WWOX: variants seen among roughly 807,000 people sequenced by gnomAD.
WWOX encodes the protein WW domain-containing oxidoreductase.
In WWOX, 69 loss-of-function variants were observed where a neutral mutation model predicts 46.2. That is an observed-to-expected ratio of 1.49 (90% CI 1.23 to 1.82). The LOEUF is 1.82. Among genes scored for constraint, WWOX ranks in the 40% most tolerant of loss-of-function variants. WWOX has a pLI of 0.00. For synonymous variants in WWOX, 359 were observed against 202.6 expected (o/e 1.77, Z -6.56); for missense variants, 919 against 542.6 (o/e 1.69, Z -6.89).
intron 8 of WWOX, among the ~76,000 whole-genome samples, chr16:78,630,590 C>G (rs919799860): frequency 6.6e-6 from 1 of 152,116 alleles, no homozygotes; most frequent in Non-Finnish European, 1.5e-5. Flanking sequence ...CTGTGTGACC[C>G]CACTGGAAGA....
intron 4 of WWOX, among the ~76,000 whole-genome samples, chr16:78,135,323 ATTTC>A (rs1279949335): frequency 1.3e-5 from 2 of 152,156 alleles, no homozygotes; most frequent in Non-Finnish European, 2.9e-5. Flanking sequence ...GTGAGGGACT[ATTTC>A]TTTCTGAGAA....
rs1425722937 is a variant in WWOX, at chr16:79,026,648, C to T, written c.1057-184960C>T. Among the ~76,000 whole-genome samples the T allele has an allele frequency of 3.3e-4, 43 of 129,752 alleles. 1 individual carries two copies. Among genetic ancestry groups the T allele is most frequent in the African/African-American group, 1.3e-3 (43 of 32,428 alleles). The allele number at this position is 129,752 out of a possible 152,430, so 85.1% of individuals were successfully genotyped here. A position where few individuals can be genotyped will look rare whatever the true frequency, so the allele number is the denominator to read the frequency against. On this transcript the variant is annotated intron_variant, in intron 8 of 8. Coordinates refer to ENST00000566780, the MANE Select transcript of WWOX (RefSeq NM_016373.4). ...TTTTTTTTTTTTTGAGATGGAGTCT[C>T]CCTCTGTCGCCTAGGCTGCAGTGCA...
chr16:78,520,571 G>A (rs1402748606), intron 8 of WWOX, among the ~76,000 whole-genome samples: 2 of 151,708 alleles, frequency 1.3e-5, no homozygotes, highest in South Asian at 2.1e-4. Flanking sequence ...GGCAGTGGAT[G>A]TCAGGATTGT....
intron 8 of WWOX, among the ~76,000 whole-genome samples, chr16:79,191,247 G>T (rs762504906): frequency 6.6e-6 from 1 of 151,712 alleles, no homozygotes; most frequent in African/African-American, 2.4e-5. Flanking sequence ...GCAGAGACAG[G>T]GTTTCACCGT....
At chr16:78,960,605 C>T (rs562157050) in intron 8 of WWOX, among the ~76,000 whole-genome samples, 1 of 152,156 alleles carries the variant, frequency 6.6e-6, no homozygotes, top group Non-Finnish European at 1.5e-5. Context: ...ATCCATTGGT[C>T]AGAAATAAGG....
rs72801976 is a variant in WWOX, at chr16:78,519,730, T to C, written c.1056+86978T>C. ...AAAACAGACCCAAGAGAGACCGTTATCCATTTTACCATGTGAGGAGCCCAC... is the reference window on the plus strand; with the variant it reads ...AAAACAGACCCAAGAGAGACCGTTACCCATTTTACCATGTGAGGAGCCCAC... On this transcript the variant is annotated intron_variant, in intron 8 of 8. Coordinates refer to ENST00000566780, the MANE Select transcript of WWOX (RefSeq NM_016373.4). Among the ~76,000 whole-genome samples, 504 of 152,140 alleles carry C rather than the reference T, an allele frequency of 3.3e-3. 2 individuals are homozygous for C. The highest frequency in any genetic ancestry group is 0.02 in the Middle Eastern group (6 of 294).
At chr16:78,354,686 A>C (rs1171709198) in intron 5 of WWOX, among the ~76,000 whole-genome samples, 1 of 143,758 alleles carries the variant, frequency 7.0e-6, no homozygotes, top group Non-Finnish European at 1.5e-5. Flanking sequence ...TCAATGTAAG[A>C]ATATTCTTAA....
At chr16:78,378,021 G>A (rs896910281) in intron 5 of WWOX, among the ~76,000 whole-genome samples, 1 of 152,010 alleles carries the variant, frequency 6.6e-6, no homozygotes, top group Non-Finnish European at 1.5e-5. Context: ...CCTGATGGAG[G>A]GCCCTGGAGT....
At position 78,350,975 on chromosome 16, in the gene WWOX, T is replaced by TAGG. The variant is rs2081172735; in HGVS notation, c.517-35885_517-35884insAGG. Among the ~76,000 whole-genome samples the TAGG allele has an allele frequency of 4.6e-5, 7 of 151,668 alleles. 1 individual carries two copies. The highest frequency in any genetic ancestry group is 1.0e-4 in the Non-Finnish European group (7 of 67,818). ...ACCAGCACTCGCTGTCATTTTTCTT[T>TAGG]TTAGTCTTGTCATTTTATTGGGTAT... On this transcript the variant is annotated intron_variant, in intron 5 of 8. Coordinates refer to ENST00000566780, the MANE Select transcript of WWOX (RefSeq NM_016373.4).
At chr16:79,060,158 T>G (rs1597336160) in intron 8 of WWOX, among the ~76,000 whole-genome samples, 1 of 152,056 alleles carries the variant, frequency 6.6e-6, no homozygotes, top group Non-Finnish European at 1.5e-5. Context: ...GCAGTGGGGG[T>G]GGGGAGGAGA....
intron 8 of WWOX, among the ~76,000 whole-genome samples, chr16:78,951,694 C>A (rs1482394363): frequency 6.6e-6 from 1 of 152,148 alleles, no homozygotes; most frequent in Non-Finnish European, 1.5e-5. Context: ...GCGGTTCTAC[C>A]CAGTACCGGG....
At chr16:78,748,591 A>G (rs2049403923) in intron 8 of WWOX, among the ~76,000 whole-genome samples, 1 of 152,202 alleles carries the variant, frequency 6.6e-6, no homozygotes, top group African/African-American at 2.4e-5. Context: ...GTCCGTGATC[A>G]ACATGCCCTA....
At chr16:78,413,547 G>C (rs182952725) in intron 6 of WWOX, among the ~76,000 whole-genome samples, 1 of 152,154 alleles carries the variant, frequency 6.6e-6, no homozygotes, top group African/African-American at 2.4e-5. Flanking sequence ...ACGTTGATCA[G>C]TTAGGTAGGG....
At chr16:79,112,501 C>T (rs904096138) in intron 8 of WWOX, among the ~76,000 whole-genome samples, 4 of 152,138 alleles carry the variant, frequency 2.6e-5, no homozygotes, top group Non-Finnish European at 5.9e-5. Context: ...CTTCCCCCAC[C>T]CTGCGAGTTC....
chr16:78,932,007 G>T (rs1417191088), intron 8 of WWOX, among the ~76,000 whole-genome samples: 1 of 152,216 alleles, frequency 6.6e-6, no homozygotes, highest in Non-Finnish European at 1.5e-5. Flanking sequence ...ACATGTGTTT[G>T]CTCCACATTG....
intron 5 of WWOX, among the ~76,000 whole-genome samples, chr16:78,233,911 G>A (rs2037352779): frequency 6.6e-6 from 1 of 152,102 alleles, no homozygotes; most frequent in African/African-American, 2.4e-5. Flanking sequence ...GAGGATCAGG[G>A]CTGATTTCTT....
chr16:78,961,501 G>A (rs542922585), intron 8 of WWOX, among the ~76,000 whole-genome samples: 9 of 152,104 alleles, frequency 5.9e-5, no homozygotes, highest in East Asian at 3.9e-4. Flanking sequence ...GGATGGATGC[G>A]TGGGTGTGTG....
chr16:79,002,505 G>A (rs1379827808), intron 8 of WWOX, among the ~76,000 whole-genome samples: 1 of 152,102 alleles, frequency 6.6e-6, no homozygotes, highest in Non-Finnish European at 1.5e-5. Flanking sequence ...TTACAGGTGT[G>A]AGCCACCGCA....
chr16:78,659,268 G>A (rs926996970), intron 8 of WWOX, among the ~76,000 whole-genome samples: 3 of 152,086 alleles, frequency 2.0e-5, no homozygotes, highest in Admixed American at 6.5e-5. Flanking sequence ...AGAGATAACC[G>A]TGTAGCAGAA....
Sources: gnomAD v4.1 joint callset for allele counts (sites outside exome capture counted in the v4.1 genomes callset) on GRCh38, gnomAD v4.1.1 for gene constraint, MANE v1.5 for transcripts, NCBI Gene and HGNC (gene_info 2026-07-23, HGNC 2026-07-21) for gene names.